Variants in ITGB8 observed in about 807,000 individuals in gnomAD.
The protein encoded by ITGB8 is integrin beta-8.
Under a neutral mutation model 89.5 loss-of-function variants are expected in ITGB8, and 30 were observed. That is an observed-to-expected ratio of 0.34 (90% CI 0.25 to 0.45). The LOEUF (loss-of-function observed/expected upper bound fraction) is 0.45. Ranked by LOEUF, ITGB8 falls within the 20% of genes least tolerant of loss-of-function variation. The pLI, the probability that ITGB8 is intolerant of heterozygous loss-of-function variation, is 1.00. For synonymous variants in ITGB8, 335 were observed against 320.4 expected (o/e 1.05, Z -0.49); for missense variants, 836 against 933.3 (o/e 0.90, Z 1.36).
intron 1 of ITGB8, among the ~76,000 whole-genome samples, chr7:20,355,547 A>T (rs9655193): frequency 0.083 from 12,684 of 152,282 alleles, 717 homozygotes; most frequent in Middle Eastern, 0.17. Context: ...GCAAACAGAG[A>T]AGGCAAGATA....
intron 6 of ITGB8, among the ~76,000 whole-genome samples, chr7:20,385,686 A>G (rs1235432244): frequency 6.6e-6 from 1 of 152,200 alleles, no homozygotes; most frequent in African/African-American, 2.4e-5. Context: ...CCATTTAGGA[A>G]GCTTTCTTTT....
At chr7:20,403,402 T>C (rs1022995431) in intron 10 of ITGB8, among the ~76,000 whole-genome samples, 1 of 152,176 alleles carries the variant, frequency 6.6e-6, no homozygotes, top group Non-Finnish European at 1.5e-5. Flanking sequence ...AAATATCGAA[T>C]GTACTAGCTT....
chr7:20,399,272 G>A lies in ITGB8; in HGVS notation c.1281+278G>A, dbSNP rs774804931. ...ATCAATAGTAACTTTAAACTTAGGC[G>A]TCATGACCGGTATAAATTAGGAAAT... is the stretch of plus-strand genomic sequence containing the variant. On this transcript the variant is annotated intron_variant, in intron 9 of 13. Transcript: ENST00000222573. 5.3e-5 allele frequency among the ~76,000 whole-genome samples: 8 copies of A among 152,140 alleles called. No individual in the cohort carries two copies. The East Asian group carries it at 7.7e-4, about 15-fold the overall frequency.
At chr7:20,353,551 G>T (rs1785180486) in intron 1 of ITGB8, among the ~76,000 whole-genome samples, 1 of 152,116 alleles carries the variant, frequency 6.6e-6, no homozygotes, top group South Asian at 2.1e-4. Flanking sequence ...ATTAAAAAAA[G>T]ACTATTTTAA....
intron 12 of ITGB8, 84 bp from the exon 13 acceptor site, chr7:20,409,531 G>C (rs768147098): frequency 2.1e-4 from 178 of 838,734 alleles, no homozygotes; most frequent in African/African-American, 1.7e-3. Context: ...ACTATTAATT[G>C]AAGTGTGAAC....
At chr7:20,336,740 T>C (rs1381195916) in intron 1 of ITGB8, among the ~76,000 whole-genome samples, 1 of 152,188 alleles carries the variant, frequency 6.6e-6, no homozygotes, top group Non-Finnish European at 1.5e-5. Context: ...CCTCCCAGCT[T>C]TGCTATGGAC....
intron 1 of ITGB8, among the ~76,000 whole-genome samples, chr7:20,342,217 G>T (rs1784783465): frequency 1.3e-5 from 2 of 152,178 alleles, no homozygotes; most frequent in African/African-American, 4.8e-5. Context: ...ATATAAAGCT[G>T]CCCTAGTGAC....
intron 1 of ITGB8, among the ~76,000 whole-genome samples, chr7:20,356,477 G>GA (rs1302573785): frequency 6.6e-6 from 1 of 152,096 alleles, no homozygotes; most frequent in Non-Finnish European, 1.5e-5. Flanking sequence ...GATTTTGACT[G>GA]TTATCAAAGC....
At chr7:20,391,903 T>C (rs374189242) in intron 7 of ITGB8, among the ~76,000 whole-genome samples, 24 of 152,318 alleles carry the variant, frequency 1.6e-4, no homozygotes, top group African/African-American at 5.8e-4. Flanking sequence ...AATTAGAGAA[T>C]ATCAGCTTAA....
In ITGB8 at chr7:20,411,996, A is replaced by G. The variant is rs1297493780; in HGVS notation, c.*1999A>G. 6.6e-6 allele frequency: 1 copy of G among 152,644 alleles called. No homozygotes were observed. The highest frequency in any genetic ancestry group is 2.4e-5 in the African/African-American group (1 of 41,446). The allele number at this position is 152,644 out of a possible 1,614,324, so 9.5% of individuals were successfully genotyped here. On this transcript the variant is annotated 3_prime_UTR_variant, in exon 14 of 14. Coordinates refer to ENST00000222573, the MANE Select transcript of ITGB8 (RefSeq NM_002214.3). ...GTGGATATACAGTTTTGCCCATGAC[A>G]ACAAAGGAATCTATCCGAAATATCT...
At chr7:20,369,121 A>G (rs796147317) in intron 3 of ITGB8, among the ~76,000 whole-genome samples, 4 of 152,328 alleles carry the variant, frequency 2.6e-5, no homozygotes, top group African/African-American at 9.6e-5. Context: ...AGAATTCTCA[A>G]TTCCTGCCTC....
chr7:20,332,163 G>GTAA, intron 1 of ITGB8: 1 of 933,564 alleles, frequency 1.1e-6, no homozygotes, highest in Non-Finnish European at 1.5e-6. Flanking sequence ...GACACTCTGT[G>GTAA]TTACTCCTAG....
chr7:20,364,931 G>A (rs545599475), intron 2 of ITGB8: 8 of 152,258 alleles, frequency 5.3e-5, no homozygotes, highest in Non-Finnish European at 8.8e-5. Flanking sequence ...AAAATCCTTA[G>A]AGCCCTGAAG....
At position 20,397,509 on chromosome 7, in the gene ITGB8, A is replaced by AGTG. The variant is rs1490856374; in HGVS notation, c.1147-1350_1147-1349insTGG. On this transcript the variant is annotated intron_variant, in intron 8 of 13. Transcript: ENST00000222573. ...CCAAAGAGCTGGGATTACAGGCGTG[A>AGTG]GCCACCACACCAGGCCAACTAAGAT... Among the ~76,000 whole-genome samples the AGTG allele has an allele frequency of 1.3e-5, 2 of 152,246 alleles. 1 individual carries two copies.
chr7:20,397,693 A>G (rs549743085), intron 8 of ITGB8, among the ~76,000 whole-genome samples: 1 of 152,316 alleles, frequency 6.6e-6, no homozygotes, highest in African/African-American at 2.4e-5. Flanking sequence ...TGCAGTGTGT[A>G]TGAGCTCTCT....
intron 5 of ITGB8, 34 bp downstream of exon 5, chr7:20,380,865 G>A (rs1786350431): frequency 6.4e-7 from 1 of 1,552,426 alleles, no homozygotes; most frequent in Admixed American, 2.0e-5. Flanking sequence ...TGTTTGCTAA[G>A]ATGCCAAACT....
Position 20,390,466 on chromosome 7 carries a change from T to A in ITGB8, c.961-937T>A, listed in dbSNP as rs533643929. 3.3e-5 allele frequency among the ~76,000 whole-genome samples: 5 copies of A among 152,258 alleles called. No individual in the cohort carries two copies. The East Asian group carries it at 9.6e-4, about 29-fold the overall frequency. ...ATTTATGTAATCATCAGATTTCTCATGTTCTCTAAACTAAATTTTATTTCA... is the reference window on the plus strand; with the variant it reads ...ATTTATGTAATCATCAGATTTCTCAAGTTCTCTAAACTAAATTTTATTTCA... On this transcript the variant is annotated intron_variant, in intron 6 of 13. Transcript: ENST00000222573.
In ITGB8 at chr7:20,331,774, A is replaced by G. The variant is rs1405312287; in HGVS notation, c.-33A>G. ...GCGAGCCCGCGTCCGGAAGGCAGTCAGGCGGCGGGCGCGGGGCGGGCTGTT... is the reference window on the plus strand; with the variant it reads ...GCGAGCCCGCGTCCGGAAGGCAGTCGGGCGGCGGGCGCGGGGCGGGCTGTT... On this transcript the variant is annotated 5_prime_UTR_variant, in exon 1 of 14. Transcript: ENST00000222573. The G allele has an allele frequency of 6.2e-7, 1 of 1,600,390 alleles. No individual in the cohort carries two copies. The highest frequency in any genetic ancestry group is 8.5e-7 in the Non-Finnish European group (1 of 1,173,640).
intron 1 of ITGB8, among the ~76,000 whole-genome samples, chr7:20,353,916 A>T (rs1309856900): frequency 8.8e-6 from 1 of 113,404 alleles, no homozygotes; most frequent in Admixed American, 1.2e-4. Flanking sequence ...TGGGCGACAG[A>T]GCGAGACTCC....
Sources: gnomAD v4.1 joint callset for allele counts (sites outside exome capture counted in the v4.1 genomes callset) on GRCh38, gnomAD v4.1.1 for gene constraint, MANE v1.5 for transcripts, NCBI Gene and HGNC (gene_info 2026-07-23, HGNC 2026-07-21) for gene names.